FGFR1OP2: variants seen among roughly 807,000 people sequenced by gnomAD.
The protein encoded by FGFR1OP2 is FGFR1 oncogene partner 2.
FGFR1OP2 carries 17 observed loss-of-function variants against 35.2 expected under a neutral mutation model. The observed-to-expected ratio is 0.48, with a 90% CI of 0.33 to 0.73. The LOEUF (loss-of-function observed/expected upper bound fraction) is 0.73. FGFR1OP2 is among the 30% of genes least tolerant of loss of function. The pLI, the probability that FGFR1OP2 is intolerant of heterozygous loss-of-function variation, is 0.02. For missense variants in FGFR1OP2, 251 were observed against 307.3 expected (o/e 0.82, Z 1.37); for synonymous variants, 105 against 104.6 (o/e 1.00, Z -0.03).
chr12:26,942,385 C>T (rs1938750368), intron 1 of FGFR1OP2, among the ~76,000 whole-genome samples: 1 of 152,190 alleles, frequency 6.6e-6, no homozygotes, highest in Non-Finnish European at 1.5e-5. Flanking sequence ...TAACACTTGT[C>T]CTCTTGCCCA....
chr12:26,960,790 C>T, intron 5 of FGFR1OP2, 162 bp downstream of exon 5: 1 of 1,130,976 alleles, frequency 8.8e-7, no homozygotes, highest in Non-Finnish European at 1.2e-6. Flanking sequence ...AGTGTAGAAA[C>T]TTTAAATCTC....
In FGFR1OP2 at chr12:26,964,711, AT is replaced by A. The variant is rs754440223; in HGVS notation, c.743del (p.Leu248Ter). 5 of 1,611,310 alleles carry A rather than the reference AT, an allele frequency of 3.1e-6. No homozygotes were observed. ...TSLSALVTNS[D>X]LSLRKS ...TTGTCAGCATTAGTGACCAACAGTG[AT>A]TTGAGTCTGAGGAAGAGCTGAAGAG... On this transcript the variant is annotated frameshift_variant, in exon 7 of 7. Transcript: ENST00000229395. LOFTEE classifies it high-confidence loss of function.
At position 26,954,296 on chromosome 12, in the gene FGFR1OP2, T is replaced by G. The variant is rs1478541195; in HGVS notation, c.135+3T>G. 2 of 1,593,092 alleles carry G rather than the reference T, an allele frequency of 1.3e-6. No homozygotes were observed. The highest frequency in any genetic ancestry group is 1.7e-6 in the Non-Finnish European group (2 of 1,170,298). On this transcript the variant is annotated splice_donor_region_variant and intron_variant, in intron 2 of 6. Transcript: ENST00000229395. ...AGCGAGTAGAAGCCATGAAACAGGT[T>G]TGATTTTTCTTTCTTGTTCATTCCA...
chr12:26,957,066 G>T (rs1939032968), intron 3 of FGFR1OP2, among the ~76,000 whole-genome samples: 1 of 152,064 alleles, frequency 6.6e-6, no homozygotes, highest in African/African-American at 2.4e-5. Flanking sequence ...TCATTTCCCA[G>T]CCTTTTTTTT....
intron 5 of FGFR1OP2, chr12:26,960,968 G>T: frequency 5.7e-6 from 1 of 175,026 alleles, no homozygotes; most frequent in Non-Finnish European, 1.2e-5. Flanking sequence ...ATTTTAAACT[G>T]ATTTCATAAG....
chr12:26,941,112 C>G (rs1418211960), intron 1 of FGFR1OP2, among the ~76,000 whole-genome samples: 2 of 143,108 alleles, frequency 1.4e-5, no homozygotes, highest in African/African-American at 5.2e-5. Flanking sequence ...TTTTAACTTG[C>G]TAAAAAAAAA....
intron 1 of FGFR1OP2, among the ~76,000 whole-genome samples, chr12:26,952,135 G>C (rs1401384762): frequency 1.6e-5 from 2 of 125,992 alleles, no homozygotes; most frequent in Non-Finnish European, 3.2e-5. Flanking sequence ...AGCTTTAAAA[G>C]TTTACTCAGA....
At chr12:26,942,760 G>A (rs1167353329) in intron 1 of FGFR1OP2, among the ~76,000 whole-genome samples, 1 of 152,016 alleles carries the variant, frequency 6.6e-6, no homozygotes, top group African/African-American at 2.4e-5. Context: ...TATCTTTTTG[G>A]TTCACTAGTA....
chr12:26,950,350 G>A (rs761976005), intron 1 of FGFR1OP2, among the ~76,000 whole-genome samples: 3 of 147,822 alleles, frequency 2.0e-5, no homozygotes, highest in Admixed American at 6.9e-5. Context: ...AGCCTCCTGC[G>A]TAGCTGAGAC....
chr12:26,958,010 A>G (rs1012561463), intron 4 of FGFR1OP2: 45 of 288,240 alleles, frequency 1.6e-4, no homozygotes, highest in Non-Finnish European at 2.6e-5. Flanking sequence ...TTTTGGATAT[A>G]AAGGTAAGTC....
At chr12:26,962,263 T>G (rs1171405316) in intron 5 of FGFR1OP2, 1 of 152,222 alleles carries the variant, frequency 6.6e-6, no homozygotes, top group Non-Finnish European at 1.5e-5. Context: ...CCTACATTTT[T>G]GTTGGTTAAG....
chr12:26,941,161 T>TA (rs1938728098), intron 1 of FGFR1OP2, among the ~76,000 whole-genome samples: 1 of 151,014 alleles, frequency 6.6e-6, no homozygotes, highest in African/African-American at 2.4e-5. Flanking sequence ...CTATAGAAAA[T>TA]AATGTAAGTA....
chr12:26,953,124 C>A (rs938575103), intron 1 of FGFR1OP2, among the ~76,000 whole-genome samples: 3 of 151,686 alleles, frequency 2.0e-5, no homozygotes, highest in Non-Finnish European at 2.9e-5. Flanking sequence ...ATGAGCCAGG[C>A]GTGGTGGCAG....
intron 1 of FGFR1OP2, among the ~76,000 whole-genome samples, chr12:26,949,967 A>G (rs1415083897): frequency 6.6e-6 from 1 of 152,010 alleles, no homozygotes; most frequent in Non-Finnish European, 1.5e-5. Context: ...TGATGGTCAC[A>G]ATGGTTCTTT....
chr12:26,950,416 C>T (rs572125486), intron 1 of FGFR1OP2, among the ~76,000 whole-genome samples: 81 of 151,482 alleles, frequency 5.3e-4, no homozygotes, highest in Admixed American at 1.1e-3. Context: ...TTAGTAGAGA[C>T]GGAGTTTCAC....
At chr12:26,948,752 T>C (rs1938868672) in intron 1 of FGFR1OP2, among the ~76,000 whole-genome samples, 2 of 152,350 alleles carry the variant, frequency 1.3e-5, no homozygotes, top group South Asian at 4.1e-4. Flanking sequence ...TATGTTTTTA[T>C]ATTATTGGAT....
chr12:26,942,848 T>C (rs1938758496), intron 1 of FGFR1OP2, among the ~76,000 whole-genome samples: 1 of 152,206 alleles, frequency 6.6e-6, no homozygotes, highest in African/African-American at 2.4e-5. Context: ...TACAAGTCCT[T>C]AGTTGGATAA....
chr12:26,950,213 G>GTTTTTTGT (rs1938899551), intron 1 of FGFR1OP2, among the ~76,000 whole-genome samples: 1 of 50,934 alleles, frequency 2.0e-5, no homozygotes, highest in Non-Finnish European at 3.4e-5. Flanking sequence ...TGTATTCGTT[G>GTTTTTTGT]TTTTTTTTTT....
intron 1 of FGFR1OP2, among the ~76,000 whole-genome samples, chr12:26,949,012 C>G (rs1311437196): frequency 1.3e-5 from 2 of 152,056 alleles, no homozygotes; most frequent in Non-Finnish European, 2.9e-5. Context: ...CTAAAAATAA[C>G]TAAACTTAAA....
Sources: allele counts gnomAD v4.1 joint callset (sites outside exome capture counted in the v4.1 genomes callset), GRCh38; gene constraint gnomAD v4.1.1; transcripts MANE v1.5; gene names NCBI Gene and HGNC (gene_info 2026-07-23, HGNC 2026-07-21).